KCNK9: variants seen among roughly 807,000 people sequenced by gnomAD.
The protein encoded by KCNK9 is potassium channel subfamily K member 9.
KCNK9 carries 1 observed loss-of-function variant against 10.8 expected under a neutral mutation model. That is an observed-to-expected ratio of 0.09 (90% CI 0.03 to 0.44). The LOEUF is 0.44. Ranked by LOEUF, KCNK9 falls within the 20% of genes least tolerant of loss-of-function variation. KCNK9 has a pLI of 0.97. For missense variants in KCNK9, 303 were observed against 515.0 expected, an observed-to-expected ratio of 0.59 and a Z score of 3.98; for synonymous variants, 231 against 222.7, an observed-to-expected ratio of 1.04 and a Z score of -0.33.
At chr8:139,694,124 T>C (rs561672255) in intron 1 of KCNK9, among the ~76,000 whole-genome samples, 113 of 152,150 alleles carry the variant, frequency 7.4e-4, no homozygotes, top group African/African-American at 2.6e-3. Context: ...CTTGCTAAGA[T>C]TGGGGCCATG....
chr8:139,635,016 G>A (rs537713568), intron 1 of KCNK9, among the ~76,000 whole-genome samples: 33 of 152,298 alleles, frequency 2.2e-4, no homozygotes, highest in African/African-American at 7.2e-4. Flanking sequence ...CATCTGGGTC[G>A]TTCCCCTGCT....
chr8:139,689,054 A>C (rs1449431204), intron 1 of KCNK9, among the ~76,000 whole-genome samples: 7 of 152,156 alleles, frequency 4.6e-5, no homozygotes, highest in Non-Finnish European at 1.0e-4. Context: ...TAAGGAGAGG[A>C]GATTAGGACC....
In KCNK9 at chr8:139,687,411, C is replaced by A. The variant is rs199719444; in HGVS notation, c.283+15299G>T. ...ATATATATGTGTATACATATATATT[C>A]ATATATGTGTATACATATATATTCA... On this transcript the variant is annotated intron_variant, in intron 1 of 1. Transcript: ENST00000520439. 7.8e-4 allele frequency among the ~76,000 whole-genome samples: 57 copies of A among 73,116 alleles called. 2 individuals carry two copies. The highest frequency in any genetic ancestry group is 5.1e-3 in the East Asian group (15 of 2,924). 48.0% of individuals were successfully genotyped at this position (73,116 alleles called of 152,430 possible).
At chr8:139,642,329 C>T (rs1020454003) in intron 1 of KCNK9, among the ~76,000 whole-genome samples, 7 of 152,106 alleles carry the variant, frequency 4.6e-5, no homozygotes, top group South Asian at 2.1e-4. Context: ...TGCACGAAGA[C>T]GATTCTACCC....
chr8:139,684,906 A>G (rs41437450), intron 1 of KCNK9, among the ~76,000 whole-genome samples: 1,714 of 150,110 alleles, frequency 0.011, 38 homozygotes, highest in African/African-American at 0.041. Flanking sequence ...GCTAAGAACT[A>G]TGGTGAACTA....
At chr8:139,604,146 C>G (rs142540670) in intron 2 of KCNK9, among the ~76,000 whole-genome samples, 2 of 152,164 alleles carry the variant, frequency 1.3e-5, no homozygotes, top group Non-Finnish European at 2.9e-5. Flanking sequence ...CTCTCCAGGG[C>G]GCAGACTCTG....
chr8:139,602,879 C>T (rs1344366926), intron 2 of KCNK9, among the ~76,000 whole-genome samples: 1 of 152,170 alleles, frequency 6.6e-6, no homozygotes, highest in Admixed American at 6.5e-5. Context: ...AGAGTAAAAC[C>T]TTTGAAACCT....
chr8:139,647,920 A>G (rs1012115917), intron 1 of KCNK9, among the ~76,000 whole-genome samples: 4 of 152,226 alleles, frequency 2.6e-5, no homozygotes, highest in African/African-American at 4.8e-5. Flanking sequence ...CACATGACCC[A>G]GCAATCCCAT....
chr8:139,633,599 C>T (rs1815242416), intron 1 of KCNK9, among the ~76,000 whole-genome samples: 1 of 152,216 alleles, frequency 6.6e-6, no homozygotes, highest in South Asian at 2.1e-4. Context: ...CACACTCAGA[C>T]ATGTACATAC....
intron 2 of KCNK9, among the ~76,000 whole-genome samples, chr8:139,602,642 G>T (rs1193336134): frequency 2.6e-5 from 4 of 152,188 alleles, no homozygotes; most frequent in Admixed American, 2.0e-4. Context: ...TTGACCATTT[G>T]CAGATGAGCC....
Position 139,619,059 on chromosome 8 carries a change from G to C in KCNK9, c.324C>G (p.Ala108=), listed in dbSNP as rs773384572. ...CCAGCACGGCGTAGAACATGCAGAAGGCCTTGCCCGCATCGGTGCCAGGTG... is the reference window on the plus strand; with the variant it reads ...CCAGCACGGCGTAGAACATGCAGAACGCCTTGCCCGCATCGGTGCCAGGTG... ...HAAPGTDAGK[A]FCMFYAVLGI... Residue 108 remains alanine, a synonymous_variant, in exon 2 of 2, where the codon GCC becomes GCG. Transcript: ENST00000520439. The C allele has an allele frequency of 2.5e-6, 4 of 1,614,112 alleles. No homozygotes were observed. The highest frequency in any genetic ancestry group is 2.5e-6 in the Non-Finnish European group (3 of 1,180,048).
intron 1 of KCNK9, among the ~76,000 whole-genome samples, chr8:139,698,719 C>T (rs1817125365): frequency 6.6e-6 from 1 of 152,236 alleles, no homozygotes; most frequent in South Asian, 2.1e-4. Context: ...CTGGCAGGGC[C>T]AGGTGCTCGC....
chr8:139,623,946 C>T (rs1032350122), intron 1 of KCNK9, among the ~76,000 whole-genome samples: 4 of 152,142 alleles, frequency 2.6e-5, no homozygotes, highest in Admixed American at 6.5e-5. Context: ...ACTTCACAGA[C>T]GTGTAAGATG....
At chr8:139,634,904 T>G (rs189072716) in intron 1 of KCNK9, among the ~76,000 whole-genome samples, 1 of 152,152 alleles carries the variant, frequency 6.6e-6, no homozygotes, top group East Asian at 1.9e-4. Context: ...TGGGACTTCA[T>G]CTGAAGGGTG....
chr8:139,641,537 G>A (rs542436578), intron 1 of KCNK9, among the ~76,000 whole-genome samples: 24 of 152,166 alleles, frequency 1.6e-4, no homozygotes, highest in Non-Finnish European at 2.5e-4. Flanking sequence ...GTCGATGACC[G>A]GAGCCTGCTG....
At chr8:139,668,853 T>C (rs1816362357) in intron 1 of KCNK9, among the ~76,000 whole-genome samples, 1 of 152,196 alleles carries the variant, frequency 6.6e-6, no homozygotes, top group South Asian at 2.1e-4. Flanking sequence ...ACATGTCATT[T>C]CTCTTTAATC....
intron 1 of KCNK9, among the ~76,000 whole-genome samples, chr8:139,676,943 C>G (rs1816562768): frequency 6.6e-6 from 1 of 152,088 alleles, no homozygotes; most frequent in Admixed American, 6.5e-5. Flanking sequence ...CAGAGTGAGA[C>G]TGTCTCAAAA....
Position 139,618,469 on chromosome 8 carries a change from T to C in KCNK9, c.914A>G (p.Gln305Arg). The C allele has an allele frequency of 1.2e-6, 2 of 1,614,030 alleles. No homozygotes were observed. The highest frequency in any genetic ancestry group is 2.7e-5 in the African/African-American group (2 of 75,054). Residue 305 changes from glutamine (Q) to arginine (R), a missense_variant, in exon 2 of 2, where the codon CAG becomes CGG. Physicochemically the swap from Gln to Arg is conservative, Grantham distance 43. Coordinates refer to ENST00000520439, the MANE Select transcript of KCNK9 (RefSeq NM_001282534.2). The surrounding 1 kb of genome is among the most constrained non-coding windows in gnomAD (Gnocchi z 7.9). ...SVCSCTCYRS[Q>R]DYGGRSVAPQ... Reference sequence around the variant, plus strand: ...TGCCACCGAGCGGCCGCCATAGTCCTGCGAGCGGTAGCAGGTGCAGGAGCA... The same window carrying C: ...TGCCACCGAGCGGCCGCCATAGTCCCGCGAGCGGTAGCAGGTGCAGGAGCA...
intron 1 of KCNK9, among the ~76,000 whole-genome samples, chr8:139,622,368 TTC>T (rs1814815723): frequency 6.6e-6 from 1 of 152,090 alleles, no homozygotes; most frequent in Admixed American, 6.5e-5. Flanking sequence ...TATTTAGGCG[TTC>T]CCAGCCACAC....
Sources: gnomAD v4.1 joint callset for allele counts (sites outside exome capture counted in the v4.1 genomes callset) on GRCh38, gnomAD v4.1.1 for gene constraint, Gnocchi (gnomAD v3.1) non-coding constraint, MANE v1.5 for transcripts, NCBI Gene and HGNC (gene_info 2026-07-23, HGNC 2026-07-21) for gene names.